RIMBP2: variants seen among roughly 807,000 people sequenced by gnomAD.
RIMBP2 encodes RIMS-binding protein 2.
In RIMBP2, 48 loss-of-function variants were observed where a neutral mutation model predicts 118.6. The ratio of observed to expected loss-of-function variants is 0.40; its 90% confidence interval spans 0.32 to 0.51. The LOEUF (loss-of-function observed/expected upper bound fraction) is 0.51, where lower values mean the gene tolerates loss of function less well. Ranked by LOEUF, RIMBP2 falls within the 20% of genes least tolerant of loss-of-function variation. The pLI is 0.41. For missense variants in RIMBP2, 1,551 were observed against 1,768.3 expected (o/e 0.88, Z 2.20); for synonymous variants, 762 against 742.9 (o/e 1.03, Z -0.42).
rs1784623375 is a variant in RIMBP2 at position 130,523,722 on chromosome 12, G to T, written c.-216-5805C>A. Among the ~76,000 whole-genome samples, 1 of 152,210 alleles carries T rather than the reference G, an allele frequency of 6.6e-6. No homozygotes were observed. The highest frequency in any genetic ancestry group is 6.5e-5 in the Admixed American group (1 of 15,288). On this transcript the variant is annotated intron_variant, in intron 2 of 22. Coordinates refer to ENST00000690449, the MANE Select transcript of RIMBP2 (RefSeq NM_001393629.1). This position sits in a 1 kb window ranked among gnomAD's most constrained non-coding sequence, Gnocchi z 4.4. ...TGTGTATGTGTCAGTACCGGGCTCA[G>T]CAGGGGGCCCTGAGTGAGTGGGTGA...
chr12:130,648,268 T>C (rs66626287), intron 1 of RIMBP2, among the ~76,000 whole-genome samples: 6,122 of 145,840 alleles, frequency 0.042, 746 homozygotes, highest in African/African-American at 0.14. Context: ...AGACACGAAC[T>C]CTCACTTCTC....
intron 13 of RIMBP2, 144 bp from the exon 14 acceptor site, chr12:130,435,024 T>C: frequency 1.3e-6 from 1 of 748,484 alleles, no homozygotes; most frequent in Admixed American, 3.1e-5. Context: ...TCTGCCGCCC[T>C]CTCGCTGCCC....
intron 4 of RIMBP2, among the ~76,000 whole-genome samples, chr12:130,490,123 C>CAAAAAAAAAAAAAAAAAA: frequency 1.0e-5 from 1 of 95,458 alleles, no homozygotes; most frequent in Non-Finnish European, 2.1e-5. Flanking sequence ...GACTCTGTCT[C>CAAAAAAAAAAAAAAAAAA]AAAAAAAAAA....
chr12:130,642,154 C>T (rs535577339), intron 1 of RIMBP2, among the ~76,000 whole-genome samples: 28 of 152,254 alleles, frequency 1.8e-4, no homozygotes, highest in Non-Finnish European at 1.9e-4. Flanking sequence ...GCTCAGGGGA[C>T]GGGATGTGGG....
At chr12:130,694,516 T>G (rs918362352) in intron 1 of RIMBP2, among the ~76,000 whole-genome samples, 1 of 152,174 alleles carries the variant, frequency 6.6e-6, no homozygotes, top group Admixed American at 6.5e-5. Context: ...GCTTCTCTCC[T>G]TCCCACCACG....
intron 3 of RIMBP2, among the ~76,000 whole-genome samples, chr12:130,515,151 C>T (rs1210204619): frequency 6.6e-6 from 1 of 152,114 alleles, no homozygotes; most frequent in Non-Finnish European, 1.5e-5. Context: ...GCTGGGATTA[C>T]AGGAGAGAGT....
chr12:130,460,243 G>A (rs2079856723), intron 6 of RIMBP2, among the ~76,000 whole-genome samples: 1 of 152,140 alleles, frequency 6.6e-6, no homozygotes, highest in African/African-American at 2.4e-5. Context: ...CTGTGAGTCT[G>A]TGCTCCAGGC....
chr12:130,485,445 T>C (rs2082393294), intron 4 of RIMBP2, among the ~76,000 whole-genome samples: 1 of 152,198 alleles, frequency 6.6e-6, no homozygotes, highest in Admixed American at 6.5e-5. Context: ...TGAGATGACT[T>C]ACACCAGCCA....
rs1249535983 is a variant in RIMBP2, at chr12:130,623,715, C to A, written c.-217+4607G>T. On this transcript the variant is annotated intron_variant, in intron 2 of 22. Transcript: ENST00000690449. This position sits in a 1 kb window ranked among gnomAD's most constrained non-coding sequence, Gnocchi z 4.1. The stretch of plus-strand genomic sequence containing the variant: ...GCCTGGGGGCTCCATCTAGCTGAGA[C>A]CCAAGCCTGACCTACATGCAGGGCA... 6.6e-6 allele frequency among the ~76,000 whole-genome samples: 1 copy of A among 152,156 alleles called. No homozygotes were observed. Among genetic ancestry groups the A allele is most frequent in the Admixed American group, 6.5e-5 (1 of 15,278 alleles).
At chr12:130,659,524 A>G (rs759441538) in intron 1 of RIMBP2, among the ~76,000 whole-genome samples, 2 of 151,478 alleles carry the variant, frequency 1.3e-5, no homozygotes, top group Non-Finnish European at 2.9e-5. Context: ...AGCCCAGATC[A>G]TGCCACTGCA....
At chr12:130,562,028 T>A (rs999494349) in intron 2 of RIMBP2, among the ~76,000 whole-genome samples, 2 of 152,120 alleles carry the variant, frequency 1.3e-5, no homozygotes, top group Non-Finnish European at 2.9e-5. Context: ...AAAAATGACA[T>A]TACCTTTGAT....
intron 2 of RIMBP2, among the ~76,000 whole-genome samples, chr12:130,530,933 A>G (rs2053305650): frequency 6.6e-6 from 1 of 152,216 alleles, no homozygotes; most frequent in Non-Finnish European, 1.5e-5. Context: ...ACTTGGACAA[A>G]TTGAGCAGCT....
intron 2 of RIMBP2, among the ~76,000 whole-genome samples, chr12:130,607,645 C>T (rs894315945): frequency 3.3e-5 from 5 of 151,920 alleles, no homozygotes; most frequent in African/African-American, 9.7e-5. Context: ...ACACTCAGCC[C>T]GAGAGCGAGT....
chr12:130,532,826 C>T (rs1381295605), intron 2 of RIMBP2, among the ~76,000 whole-genome samples: 1 of 149,984 alleles, frequency 6.7e-6, no homozygotes, highest in Non-Finnish European at 1.5e-5. Context: ...CTAGGAGTTA[C>T]GTCTAATGAG....
At chr12:130,556,509 G>A (rs2056369540) in intron 2 of RIMBP2, among the ~76,000 whole-genome samples, 1 of 152,250 alleles carries the variant, frequency 6.6e-6, no homozygotes, top group African/African-American at 2.4e-5. Context: ...AGGGGCATGG[G>A]CAGAATTAAA....
Position 130,442,244 on chromosome 12 carries a change from G to C in RIMBP2, c.1108C>G (p.Leu370Val), listed in dbSNP as rs773084147. The C allele has an allele frequency of 6.2e-7, 1 of 1,614,192 alleles. No individual in the cohort carries two copies. Among genetic ancestry groups the C allele is most frequent in the Non-Finnish European group, 8.5e-7 (1 of 1,180,046 alleles). Residue 370 changes from leucine (L) to valine (V), a missense_variant, in exon 11 of 23, where the codon CTC (leucine) becomes GTC (valine). Physicochemically the swap from Leu to Val is conservative, Grantham distance 32. Transcript: ENST00000690449. This position sits in a 1 kb window ranked among gnomAD's most constrained non-coding sequence, Gnocchi z 6.9. The part of the protein sequence containing the change: ...NLTLGSRTKA[L>V]IEKLNMAACT... ...GCTGCCATGTTGAGCTTCTCGATGA[G>C]GGCTTTAGTTCTGCTCCCCAGCGTG...
chr12:130,573,693 G>A (rs561695031), intron 2 of RIMBP2, among the ~76,000 whole-genome samples: 1 of 152,266 alleles, frequency 6.6e-6, no homozygotes, highest in South Asian at 2.1e-4. Context: ...GGGTAGCCAA[G>A]GACATGGGTG....
chr12:130,707,121 C>G (rs550804695), intron 1 of RIMBP2, among the ~76,000 whole-genome samples: 2 of 152,326 alleles, frequency 1.3e-5, no homozygotes, highest in South Asian at 2.1e-4. Context: ...GGGGTATACA[C>G]AGGACAGTGG....
chr12:130,437,406 A>C (rs1593291295), intron 12 of RIMBP2, 115 bp from the exon 13 acceptor site: 8 of 836,704 alleles, frequency 9.6e-6, no homozygotes, highest in East Asian at 2.8e-5. Flanking sequence ...ATGCCCAGCG[A>C]CCTCCGACTC....
Sources: gnomAD v4.1 joint callset for allele counts (sites outside exome capture counted in the v4.1 genomes callset) on GRCh38, gnomAD v4.1.1 for gene constraint, Gnocchi (gnomAD v3.1) non-coding constraint, MANE v1.5 for transcripts, NCBI Gene and HGNC (gene_info 2026-07-23, HGNC 2026-07-21) for gene names.